ADCY1: variants seen among roughly 807,000 people sequenced by gnomAD.
ADCY1 encodes the protein adenylate cyclase 1.
A neutral mutation model predicts 105.4 loss-of-function variants in ADCY1; 28 were observed. The ratio of observed to expected loss-of-function variants is 0.27; its 90% CI spans 0.20 to 0.36. The LOEUF (loss-of-function observed/expected upper bound fraction) is 0.36, where lower values mean the gene tolerates loss of function less well. Among genes scored for constraint, ADCY1 ranks in the 10% least tolerant of loss-of-function variants. The pLI, the probability that ADCY1 is intolerant of heterozygous loss-of-function variation, is 1.00. For missense variants in ADCY1, 977 were observed against 1,434.2 expected (o/e 0.68, Z 5.15); for synonymous variants, 655 against 623.8 (o/e 1.05, Z -0.75).
intron 1 of ADCY1, among the ~76,000 whole-genome samples, chr7:45,577,694 C>T (rs556678018): frequency 1.8e-4 from 27 of 152,244 alleles, no homozygotes; most frequent in African/African-American, 4.3e-4. Context: ...AGTGAATGAA[C>T]GAAGGAATCT....
chr7:45,598,290 T>A (rs997996042), intron 2 of ADCY1, among the ~76,000 whole-genome samples: 4 of 152,206 alleles, frequency 2.6e-5, no homozygotes, highest in African/African-American at 9.7e-5. Flanking sequence ...CCTCCTTTCG[T>A]GGCCACAGAT....
rs2115684248 is a variant in ADCY1, at chr7:45,575,919, C to T, written c.639+737C>T. On this transcript the variant is annotated intron_variant, in intron 1 of 19. Coordinates refer to ENST00000297323, the MANE Select transcript of ADCY1 (RefSeq NM_021116.4). This position sits in a 1 kb window ranked among gnomAD's most constrained non-coding sequence, Gnocchi z 4.7. ...CTGCCTCCCGCGGACTCTTCCTGGGCCCTGGAGGAGCCTGCTCTTCCAACT... is the reference window on the plus strand; with the variant it reads ...CTGCCTCCCGCGGACTCTTCCTGGGTCCTGGAGGAGCCTGCTCTTCCAACT... Among the ~76,000 whole-genome samples the T allele has an allele frequency of 6.6e-6, 1 of 152,352 alleles. No individual in the cohort carries two copies. The highest frequency in any genetic ancestry group is 2.4e-5 in the African/African-American group (1 of 41,582).
At chr7:45,608,839 T>G (rs926141874) in intron 2 of ADCY1, among the ~76,000 whole-genome samples, 33 of 152,058 alleles carry the variant, frequency 2.2e-4, no homozygotes, top group Middle Eastern at 3.4e-3. Flanking sequence ...GGGTGGGGAC[T>G]GCAGTGGGGC....
At chr7:45,599,534 T>C (rs2115811638) in intron 2 of ADCY1, among the ~76,000 whole-genome samples, 2 of 151,622 alleles carry the variant, frequency 1.3e-5, no homozygotes, top group Middle Eastern at 6.8e-3. Context: ...CTGAGGAAGA[T>C]GCCGGAGCTG....
intron 2 of ADCY1, among the ~76,000 whole-genome samples, chr7:45,596,522 A>T (rs1226884468): frequency 6.6e-6 from 1 of 152,018 alleles, no homozygotes; most frequent in Non-Finnish European, 1.5e-5. Context: ...TCGGGATGGG[A>T]TCTAGAGGGG....
intron 1 of ADCY1, among the ~76,000 whole-genome samples, chr7:45,578,976 T>C (rs1282381993): frequency 2.0e-5 from 3 of 152,258 alleles, no homozygotes; most frequent in Non-Finnish European, 4.4e-5. Flanking sequence ...ATTTCTGTTC[T>C]GCCGAGTTCT....
chr7:45,587,495 A>G (rs888598197), intron 1 of ADCY1, among the ~76,000 whole-genome samples: 2 of 152,146 alleles, frequency 1.3e-5, no homozygotes. Context: ...TGAAGGCTTG[A>G]GAAGGACAGA....
intron 11 of ADCY1, chr7:45,684,351 C>T (rs10241950): frequency 0.17 from 25,360 of 152,204 alleles, 2,495 homozygotes; most frequent in East Asian, 0.44. Flanking sequence ...AAGGAATAAC[C>T]GTGTAGCCGG....
At chr7:45,652,285 T>C (rs1335266037) in intron 5 of ADCY1, among the ~76,000 whole-genome samples, 1 of 152,178 alleles carries the variant, frequency 6.6e-6, no homozygotes, top group Admixed American at 6.5e-5. Context: ...TAGAGCCAAA[T>C]CATATCAGGA....
rs932385407 is a variant in ADCY1 at position 45,591,068 on chromosome 7, G to A, written c.640-1691G>A. On this transcript the variant is annotated intron_variant, in intron 1 of 19. Coordinates refer to ENST00000297323, the MANE Select transcript of ADCY1 (RefSeq NM_021116.4). This position sits in a 1 kb window ranked among gnomAD's most constrained non-coding sequence, Gnocchi z 4.1. ...TCACCTCTTTGAGAGTGGCTCTGAT[G>A]TTGTTTCCAGATTGCATGTGACCGT... 6.6e-6 allele frequency among the ~76,000 whole-genome samples: 1 copy of A among 152,180 alleles called. No homozygotes were observed. Among genetic ancestry groups the A allele is most frequent in the Non-Finnish European group, 1.5e-5 (1 of 68,026 alleles).
chr7:45,684,930 T>C (rs1221945003), intron 11 of ADCY1, 49 bp from the exon 12 acceptor site: 1 of 1,535,052 alleles, frequency 6.5e-7, no homozygotes, highest in African/African-American at 1.4e-5. Context: ...TGCACGTGAA[T>C]CACCTTGGTA....
intron 4 of ADCY1, among the ~76,000 whole-genome samples, chr7:45,628,229 A>G (rs1455393110): frequency 1.3e-5 from 2 of 152,202 alleles, no homozygotes; most frequent in Admixed American, 1.3e-4. Flanking sequence ...ACAGGCCACT[A>G]GGCCTCAGAG....
intron 11 of ADCY1, among the ~76,000 whole-genome samples, chr7:45,680,061 G>T (rs1283858632): frequency 6.6e-6 from 1 of 152,222 alleles, no homozygotes; most frequent in Non-Finnish European, 1.5e-5. Context: ...TGCCTAGACA[G>T]GAAGAAAGAG....
intron 14 of ADCY1, among the ~76,000 whole-genome samples, chr7:45,700,876 G>A (rs933890546): frequency 6.6e-6 from 1 of 152,108 alleles, no homozygotes; most frequent in Admixed American, 6.5e-5. Flanking sequence ...AGCACATGTC[G>A]GCACACAGGG....
Position 45,574,963 on chromosome 7 carries a change from C to G in ADCY1, c.420C>G (p.Phe140Leu), listed in dbSNP as rs771648046. The change falls in exon 1 of 20, where the codon TTC (phenylalanine) becomes TTG (leucine). Residue 140 changes from phenylalanine (F) to leucine (L), a missense_variant. Phe to Leu is a conservative substitution (Grantham distance 22, BLOSUM62 0). Transcript: ENST00000297323. This position sits in a 1 kb window ranked among gnomAD's most constrained non-coding sequence, Gnocchi z 7.0. The part of the protein sequence containing the change: ...SLTFALLCCP[F>L]ALGGPARGSA... Reference sequence around the variant, plus strand: ...CCTTCGCGCTGCTCTGCTGTCCTTTCGCGCTGGGCGGCCCCGCCCGGGGTT... The same window carrying G: ...CCTTCGCGCTGCTCTGCTGTCCTTTGGCGCTGGGCGGCCCCGCCCGGGGTT... The G allele has an allele frequency of 2.4e-5, 38 of 1,611,366 alleles. No homozygotes were observed. Among genetic ancestry groups the G allele is most frequent in the Non-Finnish European group, 3.1e-5 (36 of 1,179,304 alleles).
At chr7:45,684,907 G>T in intron 11 of ADCY1, 72 bp from the exon 12 acceptor site, 1 of 1,346,318 alleles carries the variant, frequency 7.4e-7, no homozygotes, top group South Asian at 1.2e-5. Flanking sequence ...TCCACTATAG[G>T]AAGTATTAAC....
intron 4 of ADCY1, among the ~76,000 whole-genome samples, chr7:45,643,387 A>G (rs573922770): frequency 6.6e-6 from 1 of 152,242 alleles, no homozygotes; most frequent in East Asian, 1.9e-4. Flanking sequence ...TTCTAATGAC[A>G]GTAATATTAT....
rs1267707075 is a variant in ADCY1 at position 45,710,406 on chromosome 7, C to T, written c.2933-122C>T. ...CCTGGTGCTAGGTGACCCCAGGAAA[C>T]AAAGCCCTGAAAGGAGCAGCCTTTT... On this transcript the variant is annotated intron_variant, in intron 18 of 19. Coordinates refer to ENST00000297323, the MANE Select transcript of ADCY1 (RefSeq NM_021116.4). The surrounding 1 kb of genome is among the most constrained non-coding windows in gnomAD (Gnocchi z 4.7). 3 of 1,424,446 alleles carry T rather than the reference C, an allele frequency of 2.1e-6. No homozygotes were observed. The highest frequency in any genetic ancestry group is 4.7e-5 in the East Asian group (2 of 42,760). The allele number at this position is 1,424,446 out of a possible 1,614,324, so 88.2% of individuals were successfully genotyped here. A position where few individuals can be genotyped will look rare whatever the true frequency, so the allele number is the denominator to read the frequency against.
chr7:45,594,280 G>A (rs1169967547), intron 2 of ADCY1, among the ~76,000 whole-genome samples: 2 of 152,184 alleles, frequency 1.3e-5, no homozygotes, highest in African/African-American at 2.4e-5. Flanking sequence ...TATAAATTGA[G>A]CATCTTTCAA....
Sources: gnomAD v4.1 joint callset for allele counts (sites outside exome capture counted in the v4.1 genomes callset) on GRCh38, gnomAD v4.1.1 for gene constraint, Gnocchi (gnomAD v3.1) non-coding constraint, MANE v1.5 for transcripts, NCBI Gene and HGNC (gene_info 2026-07-23, HGNC 2026-07-21) for gene names.